The following DNER variants were observed in gnomAD, a reference collection of about 807,000 sequenced individuals.
DNER encodes the protein delta/notch like EGF repeat containing.
In DNER, 33 loss-of-function variants were observed where a neutral mutation model predicts 78.2. The observed-to-expected ratio is 0.42, with a 90% confidence interval of 0.32 to 0.56. The LOEUF (loss-of-function observed/expected upper bound fraction) is 0.56. Ranked by LOEUF, DNER falls within the 20% of genes least tolerant of loss-of-function variation. DNER has a pLI of 0.11. For synonymous variants in DNER, 417 were observed against 384.8 expected, an observed-to-expected ratio of 1.08 and a Z score of -0.98; for missense variants, 918 against 975.3, an observed-to-expected ratio of 0.94 and a Z score of 0.78.
intron 1 of DNER, among the ~76,000 whole-genome samples, chr2:229,666,822 T>C (rs971725164): frequency 4.6e-5 from 7 of 152,224 alleles, no homozygotes; most frequent in Admixed American, 3.9e-4. Flanking sequence ...ATTATGGTTC[T>C]GTGACTGGGC....
chr2:229,689,455 G>T (rs946308628), intron 1 of DNER, among the ~76,000 whole-genome samples: 2 of 152,158 alleles, frequency 1.3e-5, no homozygotes, highest in African/African-American at 4.8e-5. Context: ...CAAGAGAAAA[G>T]AAGTGAGATG....
chr2:229,517,355 T>C (rs151080831), intron 5 of DNER, among the ~76,000 whole-genome samples: 3 of 152,306 alleles, frequency 2.0e-5, no homozygotes, highest in Non-Finnish European at 2.9e-5. Flanking sequence ...TAAATTAAGT[T>C]ATAAATGGCA....
At chr2:229,589,263 GAATT>G (rs1424044904) in intron 2 of DNER, among the ~76,000 whole-genome samples, 2 of 152,098 alleles carry the variant, frequency 1.3e-5, no homozygotes, top group Admixed American at 6.6e-5. Context: ...CATCATCACA[GAATT>G]AATTGAGAAC....
Position 229,385,500 on chromosome 2 carries a change from G to C in DNER, c.1855+2765C>G, listed in dbSNP as rs1050028160. ...AATCAGGCAAGGGAAAGAAATAAAGGGTATTCAAATAAGAAGAGAGGAAGT... is the reference window on the plus strand; with the variant it reads ...AATCAGGCAAGGGAAAGAAATAAAGCGTATTCAAATAAGAAGAGAGGAAGT... On this transcript the variant is annotated intron_variant, in intron 11 of 12. Transcript: ENST00000341772. Among the ~76,000 whole-genome samples, 4 of 152,182 alleles carry C rather than the reference G, an allele frequency of 2.6e-5. No individual in the cohort carries two copies. The East Asian group carries it at 7.7e-4, about 29-fold the overall frequency.
intron 8 of DNER, among the ~76,000 whole-genome samples, chr2:229,420,983 A>G (rs535616695): frequency 1.3e-5 from 2 of 152,324 alleles, no homozygotes; most frequent in African/African-American, 2.4e-5. Context: ...TCATTGCAGC[A>G]TTATTCACAA....
chr2:229,704,211 T>G (rs894826128), intron 1 of DNER, among the ~76,000 whole-genome samples: 6 of 152,192 alleles, frequency 3.9e-5, no homozygotes, highest in African/African-American at 1.4e-4. Context: ...TACCAAGAAC[T>G]GACAAGGATG....
intron 7 of DNER, among the ~76,000 whole-genome samples, chr2:229,455,667 G>A (rs1025355987): frequency 2.6e-5 from 4 of 152,108 alleles, no homozygotes; most frequent in African/African-American, 4.8e-5. Flanking sequence ...GCAGACAGCC[G>A]TGGCAAGAGG....
chr2:229,712,361 A>C (rs1050702366), intron 1 of DNER, among the ~76,000 whole-genome samples: 1 of 152,202 alleles, frequency 6.6e-6, no homozygotes, highest in African/African-American at 2.4e-5. Context: ...TTTTTCTTGA[A>C]GATGTCTTAT....
chr2:229,420,005 T>C (rs1262006864), intron 8 of DNER, among the ~76,000 whole-genome samples: 1 of 149,690 alleles, frequency 6.7e-6, no homozygotes, highest in Admixed American at 6.7e-5. Context: ...AACAAGACTA[T>C]CCAGAAAAAA....
At chr2:229,556,288 G>A (rs1696855175) in intron 4 of DNER, among the ~76,000 whole-genome samples, 1 of 152,208 alleles carries the variant, frequency 6.6e-6, no homozygotes, top group African/African-American at 2.4e-5. Context: ...CAAACTTTCA[G>A]GCAAAAGTAG....
At chr2:229,686,145 A>G (rs192301136) in intron 1 of DNER, among the ~76,000 whole-genome samples, 94 of 152,234 alleles carry the variant, frequency 6.2e-4, no homozygotes, top group Admixed American at 4.0e-3. Context: ...TTATTTTCAT[A>G]CTTTGCCAGG....
chr2:229,617,230 G>C (rs961466424), intron 1 of DNER, among the ~76,000 whole-genome samples: 2 of 152,130 alleles, frequency 1.3e-5, no homozygotes, highest in Non-Finnish European at 2.9e-5. Flanking sequence ...GTACATTCCA[G>C]AACAGAGATT....
intron 1 of DNER, among the ~76,000 whole-genome samples, chr2:229,642,959 C>T (rs1698652763): frequency 6.6e-6 from 1 of 152,154 alleles, no homozygotes; most frequent in African/African-American, 2.4e-5. Flanking sequence ...CACAGTGGCT[C>T]ATGACTGCAG....
intron 1 of DNER, among the ~76,000 whole-genome samples, chr2:229,641,326 C>T (rs1457190956): frequency 6.6e-6 from 1 of 152,096 alleles, no homozygotes; most frequent in Non-Finnish European, 1.5e-5. Flanking sequence ...AAACCAGTGT[C>T]ACCAGGACTT....
intron 1 of DNER, among the ~76,000 whole-genome samples, chr2:229,634,049 A>T (rs1030753068): frequency 7.9e-5 from 12 of 152,358 alleles, no homozygotes; most frequent in African/African-American, 2.9e-4. Context: ...GGCACCCAGC[A>T]GGCTGTGACT....
At chr2:229,442,064 T>C (rs1434669772) in intron 8 of DNER, among the ~76,000 whole-genome samples, 4 of 152,042 alleles carry the variant, frequency 2.6e-5, no homozygotes, top group African/African-American at 7.3e-5. Context: ...GGGGTCCCAA[T>C]GGTGAGGTGG....
intron 9 of DNER, among the ~76,000 whole-genome samples, chr2:229,412,085 C>G (rs962850595): frequency 6.6e-6 from 1 of 152,072 alleles, no homozygotes; most frequent in African/African-American, 2.4e-5. Flanking sequence ...ATTGGATCTT[C>G]TAGAAATAAA....
chr2:229,601,274 T>A (rs1031373923), intron 1 of DNER, among the ~76,000 whole-genome samples: 5 of 152,196 alleles, frequency 3.3e-5, no homozygotes, highest in African/African-American at 1.2e-4. Flanking sequence ...TCCCACCTTC[T>A]TCAATAAGGA....
At chr2:229,437,482 A>C (rs1559351583) in intron 8 of DNER, among the ~76,000 whole-genome samples, 1 of 152,244 alleles carries the variant, frequency 6.6e-6, no homozygotes, top group Non-Finnish European at 1.5e-5. Context: ...TGAAGAATTT[A>C]AATGCATAGT....
Sources: allele counts gnomAD v4.1 joint callset (sites outside exome capture counted in the v4.1 genomes callset), GRCh38; gene constraint gnomAD v4.1.1; transcripts MANE v1.5; gene names NCBI Gene and HGNC (gene_info 2026-07-23, HGNC 2026-07-21).